Variants in CDCP1 observed in about 807,000 individuals in gnomAD.
CDCP1 encodes the protein CUB domain containing protein 1.
In CDCP1, 29 loss-of-function variants were observed where a neutral mutation model predicts 60.2. The observed-to-expected ratio is 0.48, with a 90% confidence interval of 0.36 to 0.66. The LOEUF is 0.66. CDCP1 is among the 30% of genes least tolerant of loss of function. The probability of loss-of-function intolerance (pLI) is 0.00; values close to 1 mark genes in which losing one functional copy is unlikely to be tolerated. For synonymous variants in CDCP1, 387 were observed against 431.1 expected (o/e 0.90, Z 1.27); for missense variants, 876 against 1,074.3 (o/e 0.82, Z 2.58).
chr3:45,117,297 A>C (rs1380189146), intron 2 of CDCP1, among the ~76,000 whole-genome samples: 1 of 152,190 alleles, frequency 6.6e-6, no homozygotes, highest in Non-Finnish European at 1.5e-5. Flanking sequence ...CCCAAGCTCA[A>C]ATTATGAATA....
intron 4 of CDCP1, among the ~76,000 whole-genome samples, chr3:45,097,398 TAA>T (rs1698419926): frequency 6.6e-6 from 1 of 151,776 alleles, no homozygotes; most frequent in Admixed American, 6.6e-5. Context: ...GATTGGTTTA[TAA>T]AAGACTCATT....
chr3:45,125,737 G>C (rs115522465), intron 1 of CDCP1, among the ~76,000 whole-genome samples: 154 of 152,306 alleles, frequency 1.0e-3, no homozygotes, highest in African/African-American at 3.5e-3. Flanking sequence ...CACTGAAGAG[G>C]CAAACCTTAA....
intron 1 of CDCP1, among the ~76,000 whole-genome samples, chr3:45,127,469 C>A (rs1699022976): frequency 6.6e-6 from 1 of 152,162 alleles, no homozygotes; most frequent in Non-Finnish European, 1.5e-5. Flanking sequence ...AGGCCAGTGC[C>A]AAGTTTTAGC....
At position 45,112,185 on chromosome 3, in the gene CDCP1, G is replaced by A. The variant is rs1698705933; in HGVS notation, c.553C>T (p.Arg185Trp). 3.1e-6 allele frequency: 5 copies of A among 1,614,096 alleles called. No homozygotes were observed. The highest frequency in any genetic ancestry group is 4.2e-6 in the Non-Finnish European group (5 of 1,180,014). ...TTCACTCCTTCTTGCATCTTGATCCGGGACACAGTGCCATTGCTGCAGAAG... is the reference window on the plus strand; with the variant it reads ...TTCACTCCTTCTTGCATCTTGATCCAGGACACAGTGCCATTGCTGCAGAAG... The part of the protein sequence containing the change: ...GTFCSNGTVS[R>W]IKMQEGVKMA... The change falls in exon 3 of 9, where the codon CGG (arginine) becomes TGG (tryptophan). Residue 185 changes from arginine to tryptophan, a missense_variant. By Grantham distance (101) the Arg-to-Trp change is moderately radical (BLOSUM62 -3). Coordinates refer to ENST00000296129, the MANE Select transcript of CDCP1 (RefSeq NM_022842.5).
chr3:45,124,229 GAGGGAATTCC>G (rs1296124842), intron 1 of CDCP1, among the ~76,000 whole-genome samples: 1 of 152,192 alleles, frequency 6.6e-6, no homozygotes, highest in African/African-American at 2.4e-5. Flanking sequence ...TAATGTAGGG[GAGGGAATTCC>G]AGGTGATAAA....
chr3:45,096,623 CAAAAAAAA>C (rs5848726), intron 4 of CDCP1, among the ~76,000 whole-genome samples: 6 of 53,182 alleles, frequency 1.1e-4, no homozygotes, highest in Admixed American at 3.2e-4. Context: ...GACTCCGTCT[CAAAAAAAA>C]AAAAAAAAAA....
At chr3:45,108,170 C>T (rs1698603855) in intron 4 of CDCP1, among the ~76,000 whole-genome samples, 1 of 151,888 alleles carries the variant, frequency 6.6e-6, no homozygotes, top group Non-Finnish European at 1.5e-5. Flanking sequence ...CAGGTAGGGG[C>T]ACAGGACTGG....
chr3:45,106,219 T>C (rs1408600096), intron 4 of CDCP1, among the ~76,000 whole-genome samples: 4 of 152,230 alleles, frequency 2.6e-5, no homozygotes, highest in African/African-American at 7.2e-5. Context: ...TTTTGTAGCC[T>C]GGGCCCACTG....
At chr3:45,100,051 G>C (rs889038774) in intron 4 of CDCP1, among the ~76,000 whole-genome samples, 23 of 152,074 alleles carry the variant, frequency 1.5e-4, no homozygotes, top group African/African-American at 5.6e-4. Context: ...AGGCACTAAT[G>C]CTATTTGGAA....
chr3:45,097,808 T>A (rs1173581609), intron 4 of CDCP1, among the ~76,000 whole-genome samples: 1 of 152,222 alleles, frequency 6.6e-6, no homozygotes, highest in Non-Finnish European at 1.5e-5. Context: ...CTGCTGTAGT[T>A]CTTGCTGTCT....
intron 4 of CDCP1, among the ~76,000 whole-genome samples, chr3:45,097,958 G>A (rs115613753): frequency 0.018 from 2,670 of 152,074 alleles, 81 homozygotes; most frequent in African/African-American, 0.061. Context: ...TCAATCACCT[G>A]GCCCCACATC....
intron 2 of CDCP1, among the ~76,000 whole-genome samples, chr3:45,117,078 TA>T (rs1698805082): frequency 2.0e-5 from 3 of 152,236 alleles, no homozygotes; most frequent in Admixed American, 2.0e-4. Context: ...GTGTAGTTTT[TA>T]AAATTGATTT....
chr3:45,112,402 C>T lies in CDCP1; in HGVS notation c.336G>A (p.Gln112=). ...GPCPFGEVQL[Q]PSTSLLPTLN... Reference sequence around the variant, plus strand: ...GGGTAGGCAACAACGATGTCGAGGGCTGAAGCTGAACCTCCCCAAAAGGAC... The same window carrying T: ...GGGTAGGCAACAACGATGTCGAGGGTTGAAGCTGAACCTCCCCAAAAGGAC... The change falls in exon 3 of 9, where the codon CAG becomes CAA. Residue 112 remains glutamine (Q), a synonymous_variant. Coordinates refer to ENST00000296129, the MANE Select transcript of CDCP1 (RefSeq NM_022842.5). The T allele has an allele frequency of 6.2e-7, 1 of 1,614,204 alleles. No homozygotes were observed. Among genetic ancestry groups the T allele is most frequent in the Non-Finnish European group, 8.5e-7 (1 of 1,180,030 alleles).
chr3:45,098,812 ATT>A (rs936960635), intron 4 of CDCP1, among the ~76,000 whole-genome samples: 23 of 152,260 alleles, frequency 1.5e-4, no homozygotes, highest in Admixed American at 1.3e-3. Context: ...TCTGCATAAA[ATT>A]TTGTGTTCCC....
intron 4 of CDCP1, among the ~76,000 whole-genome samples, chr3:45,110,009 C>T: frequency 6.6e-6 from 1 of 152,176 alleles, no homozygotes; most frequent in East Asian, 1.9e-4. Flanking sequence ...TAATTCCCAC[C>T]TCCCCTACAG....
intron 1 of CDCP1, among the ~76,000 whole-genome samples, chr3:45,141,692 G>C (rs990106932): frequency 6.6e-6 from 1 of 152,236 alleles, no homozygotes; most frequent in Non-Finnish European, 1.5e-5. Flanking sequence ...GGCGAGGGAA[G>C]GAGCCTGGAT....
intron 1 of CDCP1, among the ~76,000 whole-genome samples, chr3:45,121,706 A>T (rs1698888927): frequency 6.6e-6 from 1 of 152,210 alleles, no homozygotes; most frequent in Non-Finnish European, 1.5e-5. Context: ...CCAGGGGGCA[A>T]AGCAGACCGT....
intron 2 of CDCP1, among the ~76,000 whole-genome samples, chr3:45,114,204 T>C (rs992348628): frequency 1.3e-5 from 2 of 152,144 alleles, no homozygotes; most frequent in African/African-American, 4.8e-5. Context: ...AATTTTTCAT[T>C]TGATGCTAAG....
chr3:45,089,179 G>C (rs766388109), intron 7 of CDCP1, 38 bp from the exon 8 acceptor site: 2 of 1,534,682 alleles, frequency 1.3e-6, no homozygotes, highest in African/African-American at 2.7e-5. Flanking sequence ...TGAAGAGGCA[G>C]CTGGGGTGAG....
Sources: allele counts gnomAD v4.1 joint callset (sites outside exome capture counted in the v4.1 genomes callset), GRCh38; gene constraint gnomAD v4.1.1; transcripts MANE v1.5; gene names NCBI Gene and HGNC (gene_info 2026-07-23, HGNC 2026-07-21).